ARMC3: variants seen among roughly 807,000 people sequenced by gnomAD.
The protein encoded by ARMC3 is armadillo repeat-containing protein 3.
Under a neutral mutation model 90.3 loss-of-function variants are expected in ARMC3, and 74 were observed. The observed-to-expected ratio is 0.82, with a 90% confidence interval of 0.68 to 0.99. The LOEUF is 0.99. Among genes scored for constraint, ARMC3 ranks in the 50% least tolerant of loss-of-function variants. ARMC3 has a pLI of 0.00. For synonymous variants in ARMC3, 334 were observed against 361.8 expected, an observed-to-expected ratio of 0.92 and a Z score of 0.87; for missense variants, 958 against 1,042.8, an observed-to-expected ratio of 0.92 and a Z score of 1.12.
intron 11 of ARMC3, among the ~76,000 whole-genome samples, chr10:23,000,133 A>C (rs10828393): frequency 0.89 from 135,651 of 152,072 alleles, 61,006 homozygotes; most frequent in African/African-American, 0.97. Flanking sequence ...CTGCTCAGCA[A>C]CATCTGCAGG....
chr10:22,959,414 A>G lies in ARMC3; in HGVS notation c.377A>G (p.His126Arg), dbSNP rs1159399030. Residue 126 changes from histidine to arginine, a missense_variant, in exon 6 of 19, where the codon CAT becomes CGT. Coordinates refer to ENST00000298032, the MANE Select transcript of ARMC3 (RefSeq NM_173081.5). The stretch of plus-strand genomic sequence containing the variant: ...TGATACACAGAAGAAGTAGTTATCC[A>G]TGAGTTTGCTAGTCTTTGTCTAGCA... ...QLAPEEEVVIHEFASLCLANM... is the reference protein window; with the variant it reads ...QLAPEEEVVIREFASLCLANM... 4.4e-6 allele frequency: 7 copies of G among 1,604,744 alleles called. No homozygotes were observed. Among genetic ancestry groups the G allele is most frequent in the Non-Finnish European group, 1.7e-6 (2 of 1,177,700 alleles).
intron 8 of ARMC3, among the ~76,000 whole-genome samples, chr10:22,969,677 A>G (rs899550481): frequency 2.0e-5 from 3 of 152,240 alleles, no homozygotes; most frequent in East Asian, 3.8e-4. Context: ...CTTAGACATT[A>G]TTCTAGCTGG....
At chr10:23,010,477 TCCTCCCTCCTTCCTTTCC>T (rs766783433) in intron 16 of ARMC3, among the ~76,000 whole-genome samples, 14,816 of 31,158 alleles carry the variant, frequency 0.48, 2,469 homozygotes, top group African/African-American at 0.52. Flanking sequence ...TTCCTTTCCC[TCCTCCCTCCTTCCTTTCC>T]CTCCCCTCTC....
intron 16 of ARMC3, among the ~76,000 whole-genome samples, chr10:23,029,596 G>C (rs952141882): frequency 1.3e-5 from 2 of 152,170 alleles, no homozygotes; most frequent in African/African-American, 2.4e-5. Context: ...ATTCAAAAAA[G>C]ATTGCTGAAT....
intron 10 of ARMC3, chr10:22,997,195 C>G (rs1837011146): frequency 6.6e-6 from 1 of 152,098 alleles, no homozygotes. Context: ...TTAAAATGCT[C>G]TAATTTTTAT....
chr10:22,966,829 C>T (rs1311380856), intron 7 of ARMC3, among the ~76,000 whole-genome samples: 4 of 152,216 alleles, frequency 2.6e-5, no homozygotes, highest in African/African-American at 7.2e-5. Context: ...AACTCACTCA[C>T]TGTCATGAGA....
intron 8 of ARMC3, among the ~76,000 whole-genome samples, chr10:22,976,092 G>A (rs1445826790): frequency 6.6e-6 from 1 of 152,188 alleles, no homozygotes; most frequent in African/African-American, 2.4e-5. Flanking sequence ...CAACGCCAGA[G>A]TTCGATTCTC....
At chr10:22,945,429 G>A (rs1183153453) in intron 2 of ARMC3, among the ~76,000 whole-genome samples, 3 of 151,886 alleles carry the variant, frequency 2.0e-5, no homozygotes, top group East Asian at 1.9e-4. Flanking sequence ...ACAATAGTTC[G>A]TTTCAATTAT....
In ARMC3 at chr10:22,955,827, C is replaced by G. The variant is rs1487694555; in HGVS notation, c.187C>G (p.Leu63Val). The G allele has an allele frequency of 1.1e-5, 18 of 1,613,912 alleles. No individual in the cohort carries two copies. The highest frequency in any genetic ancestry group is 1.4e-5 in the Non-Finnish European group (16 of 1,179,918). Residue 63 changes from leucine (L) to valine (V), a missense_variant, in exon 4 of 19, where the codon CTC (leucine) becomes GTC (valine). By Grantham distance (32) the Leu-to-Val change is conservative (BLOSUM62 1). Coordinates refer to ENST00000298032, the MANE Select transcript of ARMC3 (RefSeq NM_173081.5). ...ALKGEENKTT[L>V]LELGAVEPLT... Reference sequence around the variant, plus strand: ...GTCAGGTGAGGAAAATAAAACAACCCTCCTTGAACTTGGAGCTGTGGAACC... The same window carrying G: ...GTCAGGTGAGGAAAATAAAACAACCGTCCTTGAACTTGGAGCTGTGGAACC...
chr10:22,980,026 T>A (rs1012801099), intron 8 of ARMC3, among the ~76,000 whole-genome samples: 1 of 152,274 alleles, frequency 6.6e-6, no homozygotes, highest in East Asian at 1.9e-4. Context: ...AAAGGACGAT[T>A]TTTTTTGAGT....
At chr10:22,976,534 A>G (rs1835931711) in intron 8 of ARMC3, among the ~76,000 whole-genome samples, 1 of 152,148 alleles carries the variant, frequency 6.6e-6, no homozygotes, top group South Asian at 2.1e-4. Flanking sequence ...TGTTCTTCAA[A>G]TTACCAGACC....
At chr10:23,011,218 T>C (rs533485740) in intron 16 of ARMC3, among the ~76,000 whole-genome samples, 1 of 152,196 alleles carries the variant, frequency 6.6e-6, no homozygotes, top group South Asian at 2.1e-4. Flanking sequence ...CTCATAGGCA[T>C]TCACATTTAT....
intron 2 of ARMC3, among the ~76,000 whole-genome samples, chr10:22,943,391 T>C (rs1056105607): frequency 6.6e-6 from 1 of 152,206 alleles, no homozygotes; most frequent in South Asian, 2.1e-4. Context: ...TTTCCCTTCT[T>C]TCTGGCAGTG....
At chr10:23,018,708 G>C (rs1838386888) in intron 16 of ARMC3, among the ~76,000 whole-genome samples, 1 of 151,974 alleles carries the variant, frequency 6.6e-6, no homozygotes, top group Non-Finnish European at 1.5e-5. Context: ...AGTAGAGACA[G>C]GGTTTCACCA....
intron 7 of ARMC3, among the ~76,000 whole-genome samples, chr10:22,967,548 C>T (rs970769976): frequency 7.9e-5 from 12 of 152,176 alleles, no homozygotes; most frequent in African/African-American, 2.2e-4. Flanking sequence ...ATGGGAGAAA[C>T]GGCACCATAT....
Position 23,030,745 on chromosome 10 carries a change from A to C in ARMC3, c.2195A>C (p.Lys732Thr), listed in dbSNP as rs759654229. 14 of 1,613,774 alleles carry C rather than the reference A, an allele frequency of 8.7e-6. No homozygotes were observed. The South Asian group carries it at 1.5e-4, about 18-fold the overall frequency. The change falls in exon 17 of 19, where the codon AAA becomes ACA. Residue 732 changes from lysine to threonine, a missense_variant. Transcript: ENST00000298032. ...TCTATGTATGTGTATGAGGTGACCAAATCAATACTGCCAATAACCAATATT... is the reference window on the plus strand; with the variant it reads ...TCTATGTATGTGTATGAGGTGACCACATCAATACTGCCAATAACCAATATT... ...DFSMYVYEVT[K>T]SILPITNIKE...
intron 1 of ARMC3, among the ~76,000 whole-genome samples, chr10:22,929,968 A>G (rs1459876553): frequency 6.6e-6 from 1 of 152,234 alleles, no homozygotes; most frequent in East Asian, 1.9e-4. Context: ...CAAAAACACT[A>G]TCCTGAAGTA....
intron 16 of ARMC3, chr10:23,014,038 A>T: frequency 6.5e-7 from 1 of 1,528,502 alleles, no homozygotes. Flanking sequence ...TAAACAAATG[A>T]GAATAATTAT....
rs761438154 is a variant in ARMC3 at position 22,998,131 on chromosome 10, C to A, written c.1176-17C>A. The A allele has an allele frequency of 1.2e-6, 2 of 1,608,984 alleles. No individual in the cohort carries two copies. The highest frequency in any genetic ancestry group is 1.7e-6 in the Non-Finnish European group (2 of 1,176,800). Reference sequence around the variant, plus strand: ...GAATTCAGATGAATCACATTCATTTCTCTTTCATTTACTCAGCGCTGCTGC... The same window carrying A: ...GAATTCAGATGAATCACATTCATTTATCTTTCATTTACTCAGCGCTGCTGC... On this transcript the variant is annotated splice_polypyrimidine_tract_variant and intron_variant, in intron 10 of 18. Coordinates refer to ENST00000298032, the MANE Select transcript of ARMC3 (RefSeq NM_173081.5).
Sources: allele counts gnomAD v4.1 joint callset (sites outside exome capture counted in the v4.1 genomes callset), GRCh38; gene constraint gnomAD v4.1.1; transcripts MANE v1.5; gene names NCBI Gene and HGNC (gene_info 2026-07-23, HGNC 2026-07-21).